The following PCDH15 variants were observed in gnomAD, a reference collection of about 807,000 sequenced individuals.
PCDH15 encodes protocadherin-15.
Under a neutral mutation model 178.5 loss-of-function variants are expected in PCDH15, and 129 were observed. The ratio of observed to expected loss-of-function variants is 0.72; its 90% CI spans 0.63 to 0.84. The LOEUF is 0.84. Among genes scored for constraint, PCDH15 ranks in the 40% least tolerant of loss-of-function variants. The pLI is 0.00. For missense variants in PCDH15, 2,230 were observed against 2,099.9 expected (o/e 1.06, Z -1.21); for synonymous variants, 800 against 732.0 (o/e 1.09, Z -1.50).
intron 3 of PCDH15, among the ~76,000 whole-genome samples, chr10:54,397,023 C>A (rs565478768): frequency 6.6e-6 from 1 of 152,196 alleles, no homozygotes; most frequent in East Asian, 1.9e-4. Flanking sequence ...AATTTCTCAA[C>A]CATTGTTTCT....
chr10:55,500,422 G>A (rs1235211447), intron 2 of PCDH15, among the ~76,000 whole-genome samples: 1 of 151,748 alleles, frequency 6.6e-6, no homozygotes, highest in Non-Finnish European at 1.5e-5. Context: ...GAGATTGTCA[G>A]AATACAAGAA....
intron 17 of PCDH15, among the ~76,000 whole-genome samples, chr10:54,067,976 T>A (rs556654445): frequency 7.9e-5 from 12 of 151,688 alleles, no homozygotes; most frequent in East Asian, 5.8e-4. Context: ...TTTTTTATTT[T>A]TTTTTATTTT....
intron 4 of PCDH15, among the ~76,000 whole-genome samples, chr10:54,376,418 G>A (rs1948441601): frequency 6.7e-6 from 1 of 150,328 alleles, no homozygotes; most frequent in Non-Finnish European, 1.5e-5. Flanking sequence ...TTAAAACAGT[G>A]TAAATAAAGG....
chr10:55,367,640 A>C (rs1845401090), intron 2 of PCDH15, among the ~76,000 whole-genome samples: 1 of 152,120 alleles, frequency 6.6e-6, no homozygotes, highest in African/African-American at 2.4e-5. Flanking sequence ...AAAGAGGTTC[A>C]GAGATTTCTA....
chr10:54,253,872 G>C (rs188500762), intron 8 of PCDH15, among the ~76,000 whole-genome samples: 1 of 151,770 alleles, frequency 6.6e-6, no homozygotes, highest in Non-Finnish European at 1.5e-5. Context: ...AGAACACATG[G>C]CCATTTAATA....
At chr10:54,489,209 G>A (rs2079363385) in intron 3 of PCDH15, among the ~76,000 whole-genome samples, 1 of 151,952 alleles carries the variant, frequency 6.6e-6, no homozygotes, top group South Asian at 2.1e-4. Context: ...TTGTATTCAA[G>A]CCATGACCTT....
At chr10:54,106,590 T>G (rs541611262) in intron 15 of PCDH15, among the ~76,000 whole-genome samples, 98 of 152,328 alleles carry the variant, frequency 6.4e-4, no homozygotes, top group African/African-American at 2.3e-3. Context: ...ATTCCTCCTG[T>G]TACTGAAGCC....
chr10:55,268,748 G>A (rs1479219629), intron 1 of PCDH15, among the ~76,000 whole-genome samples: 1 of 152,136 alleles, frequency 6.6e-6, no homozygotes. Context: ...AGTTGGCATA[G>A]TGTTTGCAAG....
chr10:54,520,518 C>T (rs1418895946), intron 3 of PCDH15, among the ~76,000 whole-genome samples: 1 of 152,104 alleles, frequency 6.6e-6, no homozygotes, highest in Non-Finnish European at 1.5e-5. Flanking sequence ...AATGAGATAC[C>T]ATCTCACACC....
intron 2 of PCDH15, among the ~76,000 whole-genome samples, chr10:55,028,904 T>C (rs1167378413): frequency 6.6e-6 from 1 of 152,110 alleles, no homozygotes; most frequent in African/African-American, 2.4e-5. Flanking sequence ...ATCCATATTC[T>C]GATTTAAAGT....
At chr10:54,478,310 C>G (rs983066178) in intron 3 of PCDH15, among the ~76,000 whole-genome samples, 2 of 151,978 alleles carry the variant, frequency 1.3e-5, no homozygotes, top group Non-Finnish European at 2.9e-5. Flanking sequence ...AACAGGTTTA[C>G]AGAGAAAAAG....
At chr10:55,280,229 A>G (rs1036862824) in intron 1 of PCDH15, among the ~76,000 whole-genome samples, 3 of 151,142 alleles carry the variant, frequency 2.0e-5, no homozygotes, top group African/African-American at 7.3e-5. Flanking sequence ...TTGGACAAAG[A>G]CAAAAGCTGT....
chr10:54,649,338 CAACAT>C lies in PCDH15; in HGVS notation c.91+14829_91+14833del, dbSNP rs144077944. Among the ~76,000 whole-genome samples, 843 of 152,118 alleles carry C rather than the reference CAACAT, an allele frequency of 5.5e-3. 6 individuals are homozygous for C. The highest frequency in any genetic ancestry group is 0.019 in the African/African-American group (799 of 41,494). On this transcript the variant is annotated intron_variant, in intron 2 of 37. Coordinates refer to ENST00000644397, the MANE Select transcript of PCDH15 (RefSeq NM_001384140.1). ...ATATATGAAATATAACAAAAATACT[CAACAT>C]AAAGCGTAAAGAATTATTAATATTT...
At chr10:55,069,208 T>C (rs992312131) in intron 2 of PCDH15, among the ~76,000 whole-genome samples, 1 of 151,698 alleles carries the variant, frequency 6.6e-6, no homozygotes, top group African/African-American at 2.4e-5. Context: ...GACTGTATTA[T>C]CTTTTTGATG....
At chr10:55,157,545 G>C (rs572053160) in intron 2 of PCDH15, among the ~76,000 whole-genome samples, 1 of 149,922 alleles carries the variant, frequency 6.7e-6, no homozygotes. Context: ...GCAAAGACTT[G>C]GAACCAACCC....
chr10:55,251,444 A>G (rs1191431805), intron 1 of PCDH15, among the ~76,000 whole-genome samples: 1 of 152,156 alleles, frequency 6.6e-6, no homozygotes, highest in African/African-American at 2.4e-5. Context: ...CAAGAATGCT[A>G]TAGGAAATAA....
intron 2 of PCDH15, among the ~76,000 whole-genome samples, chr10:55,010,334 C>G (rs1277920312): frequency 6.6e-6 from 1 of 152,102 alleles, no homozygotes; most frequent in Non-Finnish European, 1.5e-5. Context: ...CTAACATAAG[C>G]AGCAAAGACA....
intron 3 of PCDH15, among the ~76,000 whole-genome samples, chr10:54,816,207 G>C (rs1237395988): frequency 6.6e-6 from 1 of 151,908 alleles, no homozygotes; most frequent in African/African-American, 2.4e-5. Flanking sequence ...ACATATTGGA[G>C]ATGTTGACTA....
intron 3 of PCDH15, among the ~76,000 whole-genome samples, chr10:54,523,219 A>C (rs2083056077): frequency 6.6e-6 from 1 of 152,198 alleles, no homozygotes; most frequent in African/African-American, 2.4e-5. Flanking sequence ...TTGATTCTTG[A>C]CATCAATGGC....
Sources: gnomAD v4.1 joint callset for allele counts (sites outside exome capture counted in the v4.1 genomes callset) on GRCh38, gnomAD v4.1.1 for gene constraint, MANE v1.5 for transcripts, NCBI Gene and HGNC (gene_info 2026-07-23, HGNC 2026-07-21) for gene names.